The following CDH23 variants were observed in gnomAD, a reference collection of about 807,000 sequenced individuals.
CDH23 encodes cadherin-23.
In CDH23, 189 loss-of-function variants were observed where a neutral mutation model predicts 317.1. The observed-to-expected ratio is 0.60, with a 90% CI of 0.53 to 0.67. CDH23 has a LOEUF of 0.67. Among genes scored for constraint, CDH23 ranks in the 30% least tolerant of loss-of-function variants. The probability of loss-of-function intolerance (pLI) is 0.00; values close to 1 mark genes in which losing one functional copy is unlikely to be tolerated. For synonymous variants in CDH23, 1,839 were observed against 1,876.8 expected (o/e 0.98, Z 0.52); for missense variants, 4,401 against 4,592.4 (o/e 0.96, Z 1.20).
At chr10:71,520,571 C>G (rs994210379) in intron 6 of CDH23, among the ~76,000 whole-genome samples, 1 of 152,210 alleles carries the variant, frequency 6.6e-6, no homozygotes, top group African/African-American at 2.4e-5. Context: ...GCCAGAGGCA[C>G]AGCACTGCTT....
At chr10:71,672,539 G>A (rs1564723504) in intron 14 of CDH23, among the ~76,000 whole-genome samples, 1 of 152,196 alleles carries the variant, frequency 6.6e-6, no homozygotes, top group African/African-American at 2.4e-5. Context: ...GTCATTAGGC[G>A]GTGGCACTGA....
At chr10:71,554,312 C>A (rs1856764312) in intron 6 of CDH23, among the ~76,000 whole-genome samples, 1 of 152,044 alleles carries the variant, frequency 6.6e-6, no homozygotes. Context: ...TTCTTCCCAT[C>A]TTAGAGTCCC....
At chr10:71,577,786 A>T in intron 8 of CDH23, 128 bp from the exon 9 acceptor site, 2 of 740,594 alleles carry the variant, frequency 2.7e-6, no homozygotes, top group Non-Finnish European at 4.7e-6. Context: ...AGCCCTTGGC[A>T]TCTACTTCCT....
chr10:71,689,066 G>A (rs372822434), intron 19 of CDH23, among the ~76,000 whole-genome samples: 1 of 127,410 alleles, frequency 7.8e-6, no homozygotes, highest in Non-Finnish European at 1.8e-5. Flanking sequence ...GTGGAGCCAG[G>A]GGTGGTGGAG....
At chr10:71,806,540 A>G (rs943949146) in intron 57 of CDH23, among the ~76,000 whole-genome samples, 6 of 149,956 alleles carry the variant, frequency 4.0e-5, no homozygotes, top group African/African-American at 1.5e-4. Context: ...TTGCCTGCAC[A>G]CACACATACA....
chr10:71,567,042 A>G (rs953311532), intron 7 of CDH23, 106 bp downstream of exon 7: 7 of 994,058 alleles, frequency 7.0e-6, no homozygotes, highest in Non-Finnish European at 1.0e-5. Flanking sequence ...CACACACTCG[A>G]TGATCTATAA....
At chr10:71,439,187 G>T (rs1055472677) in intron 1 of CDH23, among the ~76,000 whole-genome samples, 12 of 152,206 alleles carry the variant, frequency 7.9e-5, no homozygotes, top group African/African-American at 2.9e-4. Context: ...CCACAGACTT[G>T]CTGTGAGGTC....
At chr10:71,585,993 G>A (rs571191789) in intron 9 of CDH23, among the ~76,000 whole-genome samples, 2 of 152,330 alleles carry the variant, frequency 1.3e-5, no homozygotes, top group South Asian at 2.1e-4. Context: ...CCCATGGGCA[G>A]GAGTCTGTCT....
chr10:71,627,255 T>C (rs189649508), intron 11 of CDH23, among the ~76,000 whole-genome samples: 2 of 152,200 alleles, frequency 1.3e-5, no homozygotes, highest in Non-Finnish European at 1.5e-5. Context: ...TCCAGGAAAA[T>C]ATTTGTTGAC....
intron 1 of CDH23, among the ~76,000 whole-genome samples, chr10:71,429,827 T>A (rs1336917204): frequency 5.3e-5 from 8 of 152,258 alleles, no homozygotes; most frequent in Non-Finnish European, 1.2e-4. Context: ...CTGTATGAGA[T>A]GAAGTAGACT....
At chr10:71,740,135 A>G (rs1187193250) in intron 36 of CDH23, among the ~76,000 whole-genome samples, 1 of 152,196 alleles carries the variant, frequency 6.6e-6, no homozygotes, top group Non-Finnish European at 1.5e-5. Flanking sequence ...TTCCCCACCT[A>G]TGCAATGTAC....
At chr10:71,619,101 G>A (rs905799600) in intron 11 of CDH23, among the ~76,000 whole-genome samples, 8 of 152,116 alleles carry the variant, frequency 5.3e-5, no homozygotes, top group Admixed American at 1.3e-4. Context: ...TTGGGAGGCC[G>A]AGGCAGGTGG....
intron 55 of CDH23, among the ~76,000 whole-genome samples, chr10:71,804,701 G>A (rs1363825530): frequency 6.6e-6 from 1 of 152,148 alleles, no homozygotes; most frequent in African/African-American, 2.4e-5. Flanking sequence ...GAGTGATCAG[G>A]ATATCTCGAG....
At chr10:71,492,575 A>T (rs1283882352) in intron 3 of CDH23, among the ~76,000 whole-genome samples, 1 of 152,166 alleles carries the variant, frequency 6.6e-6, no homozygotes, top group Non-Finnish European at 1.5e-5. Flanking sequence ...TTTTGACATT[A>T]CAAGAACCAC....
intron 9 of CDH23, among the ~76,000 whole-genome samples, chr10:71,583,318 G>A (rs543163870): frequency 2.1e-4 from 32 of 152,174 alleles, no homozygotes; most frequent in Admixed American, 1.8e-3. Flanking sequence ...TGGAGTGCCC[G>A]GCTCAGGAGA....
rs780062043 is a variant in CDH23, at chr10:71,695,445, G to A, written c.2317G>A (p.Asp773Asn). The change falls in exon 22 of 70, where the codon GAC becomes AAC. Residue 773 changes from aspartate to asparagine, a missense_variant. Coordinates refer to ENST00000224721, the MANE Select transcript of CDH23 (RefSeq NM_022124.6). ...TVNITLLDINDNHPTWKDAPY... is the reference protein window; with the variant it reads ...TVNITLLDINNNHPTWKDAPY... ...AAACATCACCCTCCTGGACATCAAT[G>A]ACAACCACCCCACGTGGAAGGACGC... The A allele has an allele frequency of 6.2e-6, 10 of 1,613,432 alleles. No homozygotes were observed. The highest frequency in any genetic ancestry group is 5.5e-5 in the South Asian group (5 of 91,066).
At chr10:71,696,780 C>T (rs7094749) in intron 22 of CDH23, among the ~76,000 whole-genome samples, 94,253 of 152,048 alleles carry the variant, frequency 0.62, 29,743 homozygotes, top group Non-Finnish European at 0.7. Flanking sequence ...CTGGAATCTG[C>T]GATTTTTTTC....
intron 38 of CDH23, among the ~76,000 whole-genome samples, chr10:71,762,426 G>A (rs558252874): frequency 6.6e-6 from 1 of 152,260 alleles, no homozygotes; most frequent in Admixed American, 6.5e-5. Context: ...CAACACCTCT[G>A]CCCCTTCCTA....
At chr10:71,779,951 A>G (rs756248708) in intron 41 of CDH23, among the ~76,000 whole-genome samples, 11 of 152,208 alleles carry the variant, frequency 7.2e-5, no homozygotes, top group Admixed American at 1.3e-4. Context: ...TCATTACTAT[A>G]GAGTGGGAAT....
Sources: allele counts gnomAD v4.1 joint callset (sites outside exome capture counted in the v4.1 genomes callset), GRCh38; gene constraint gnomAD v4.1.1; transcripts MANE v1.5; gene names NCBI Gene and HGNC (gene_info 2026-07-23, HGNC 2026-07-21).